The following WHRN variants were observed in gnomAD, a reference collection of about 807,000 sequenced individuals.
WHRN encodes whirlin.
WHRN carries 41 observed loss-of-function variants against 68.3 expected under a neutral mutation model. The ratio of observed to expected loss-of-function variants is 0.60; its 90% CI spans 0.47 to 0.78. WHRN has a LOEUF of 0.78. Ranked by LOEUF, WHRN falls within the 30% of genes least tolerant of loss-of-function variation. The probability of loss-of-function intolerance (pLI) is 0.00; values close to 1 mark genes in which losing one functional copy is unlikely to be tolerated. For synonymous variants in WHRN, 560 were observed against 561.3 expected (o/e 1.00, Z 0.03); for missense variants, 1,243 against 1,244.7 (o/e 1.00, Z 0.02).
Position 114,466,350 on chromosome 9 carries a change from T to C in WHRN, c.880A>G (p.Ile294Val). 6.2e-7 allele frequency: 1 copy of C among 1,614,092 alleles called. No homozygotes were observed. Among genetic ancestry groups the C allele is most frequent in the Non-Finnish European group, 8.5e-7 (1 of 1,180,024 alleles). The change falls in exon 3 of 12, where the codon ATC becomes GTC. Residue 294 changes from isoleucine (I) to valine (V), a missense_variant. Coordinates refer to ENST00000362057, the MANE Select transcript of WHRN (RefSeq NM_015404.4). ...LGDGRSLGLT[I>V]RGGAEYGLGI... ...AGGCCGTACTCAGCTCCCCCACGGATCGTGAGGCCCAGGGACCGGCCGTCC... is the reference window on the plus strand; with the variant it reads ...AGGCCGTACTCAGCTCCCCCACGGACCGTGAGGCCCAGGGACCGGCCGTCC...
At chr9:114,435,541 T>TG (rs1343493784) in intron 3 of WHRN, among the ~76,000 whole-genome samples, 3 of 152,178 alleles carry the variant, frequency 2.0e-5, no homozygotes, top group African/African-American at 4.8e-5. Flanking sequence ...AATCACACTC[T>TG]GGGAAATGGT....
intron 1 of WHRN, 65 bp from the exon 2 acceptor site, chr9:114,478,836 C>G: frequency 6.7e-7 from 1 of 1,490,078 alleles, no homozygotes. Flanking sequence ...GAACACCCTC[C>G]CCTGGCCCAG....
intron 1 of WHRN, among the ~76,000 whole-genome samples, chr9:114,482,620 C>A (rs1842177156): frequency 6.6e-6 from 1 of 152,094 alleles, no homozygotes; most frequent in Admixed American, 6.5e-5. Context: ...CACTCCCCTC[C>A]CCCTCAGCAT....
rs1211248095 is a variant in WHRN at position 114,489,461 on chromosome 9, CAT to C, written c.619-10692_619-10691del. On this transcript the variant is annotated intron_variant, in intron 1 of 11. Coordinates refer to ENST00000362057, the MANE Select transcript of WHRN (RefSeq NM_015404.4). ...GTTCCTATCAAAGGCACCACACACA[CAT>C]ACACACACACACACACGCACACACA... 4.7e-5 allele frequency among the ~76,000 whole-genome samples: 5 copies of C among 107,522 alleles called. 1 individual carries two copies. Among genetic ancestry groups the C allele is most frequent in the South Asian group, 6.4e-4 (2 of 3,104 alleles). 70.5% of individuals were successfully genotyped at this position (107,522 alleles called of 152,430 possible).
Position 114,426,188 on chromosome 9 carries a change from T to C in WHRN, c.1166+23A>G, listed in dbSNP as rs56050936. 3.1e-3 allele frequency: 5,034 copies of C among 1,611,706 alleles called. 26 individuals carry two copies. The highest frequency in any genetic ancestry group is 0.015 in the Admixed American group (926 of 60,020). ...AGAAATGGCCCTGGGGTCTGGAGAT[T>C]GGAGCGAGCAGAGTGGCCAGACCCT... On this transcript the variant is annotated intron_variant, in intron 4 of 11. Transcript: ENST00000362057.
intron 3 of WHRN, among the ~76,000 whole-genome samples, chr9:114,438,656 T>C (rs946254142): frequency 1.3e-5 from 2 of 152,004 alleles, no homozygotes; most frequent in African/African-American, 4.8e-5. Flanking sequence ...GTTTCACCTG[T>C]TAGCCAGGAT....
intron 2 of WHRN, among the ~76,000 whole-genome samples, chr9:114,468,356 T>C (rs904411480): frequency 6.6e-6 from 1 of 152,094 alleles, no homozygotes; most frequent in Non-Finnish European, 1.5e-5. Context: ...CATGGCCAAG[T>C]CAGACCTGGG....
Position 114,417,651 on chromosome 9 carries a change from T to C in WHRN, c.1626+5663A>G, listed in dbSNP as rs866402467. On this transcript the variant is annotated intron_variant, in intron 7 of 11. Transcript: ENST00000362057. ...TTTGGCCATGTTATGTTTTGGGTTGTTGTCCACATTTTAGGGTTATTACTC... is the reference window on the plus strand; with the variant it reads ...TTTGGCCATGTTATGTTTTGGGTTGCTGTCCACATTTTAGGGTTATTACTC... Among the ~76,000 whole-genome samples, 11 of 152,230 alleles carry C rather than the reference T, an allele frequency of 7.2e-5. No individual in the cohort carries two copies. In the South Asian group the frequency reaches 1.2e-3, roughly 17 times the overall value.
intron 3 of WHRN, among the ~76,000 whole-genome samples, chr9:114,464,462 A>C (rs1840494101): frequency 6.6e-6 from 1 of 152,046 alleles, no homozygotes; most frequent in South Asian, 2.1e-4. Context: ...CTGTGTCCTC[A>C]CATGGTGGAA....
intron 7 of WHRN, among the ~76,000 whole-genome samples, chr9:114,418,645 G>T (rs1836005267): frequency 6.6e-6 from 1 of 152,184 alleles, no homozygotes; most frequent in African/African-American, 2.4e-5. Flanking sequence ...CTTATTGGCC[G>T]CCTGGAATTC....
At chr9:114,435,427 A>G (rs1837769143) in intron 3 of WHRN, among the ~76,000 whole-genome samples, 1 of 152,210 alleles carries the variant, frequency 6.6e-6, no homozygotes. Flanking sequence ...GGCTGGGTAC[A>G]TGCAGCCCAG....
intron 3 of WHRN, among the ~76,000 whole-genome samples, chr9:114,435,244 C>A (rs763275851): frequency 2.0e-5 from 3 of 152,194 alleles, no homozygotes; most frequent in Non-Finnish European, 2.9e-5. Context: ...ACATGGGAAA[C>A]ACCTGACAAA....
At chr9:114,503,683 G>C (rs1315493901) in intron 1 of WHRN, 1 of 158,012 alleles carries the variant, frequency 6.3e-6, no homozygotes, top group African/African-American at 2.4e-5. Context: ...CAAGTGACTT[G>C]CTTCAGGATA....
chr9:114,487,848 C>T (rs538195639), intron 1 of WHRN, among the ~76,000 whole-genome samples: 2 of 152,306 alleles, frequency 1.3e-5, no homozygotes, highest in East Asian at 3.9e-4. Context: ...TGGGTGGAGG[C>T]CTCGCAATGT....
chr9:114,496,974 G>A (rs1337431719), intron 1 of WHRN, among the ~76,000 whole-genome samples: 1 of 152,216 alleles, frequency 6.6e-6, no homozygotes, highest in Non-Finnish European at 1.5e-5. Flanking sequence ...TGTTGGGGAT[G>A]GAGGAATCCT....
chr9:114,428,185 C>T (rs772438076), intron 3 of WHRN, among the ~76,000 whole-genome samples: 11 of 152,004 alleles, frequency 7.2e-5, no homozygotes, highest in Non-Finnish European at 1.3e-4. Flanking sequence ...AAAATTAGCC[C>T]GGCGAGGTGG....
chr9:114,499,931 T>C (rs1843783188), intron 1 of WHRN, among the ~76,000 whole-genome samples: 1 of 152,194 alleles, frequency 6.6e-6, no homozygotes. Flanking sequence ...ATCTCTTTCA[T>C]GTCCAGCTTC....
chr9:114,426,226 A>G lies in WHRN; in HGVS notation c.1151T>C (p.Met384Thr), dbSNP rs1334186281. ...WIASSRIRET[M>T]ANSAGFLGDL... is the part of the protein sequence containing the mutation. ...GTGGCCAGACCCTGCCGAGTTCGCC[A>G]TGGTCTCCCTGATCCGGGAACTGGC... Residue 384 changes from methionine (M) to threonine (T), a missense_variant, in exon 4 of 12, where the codon ATG (methionine) becomes ACG (threonine). Met to Thr is a moderately conservative substitution (Grantham distance 81). Transcript: ENST00000362057. The G allele has an allele frequency of 1.2e-6, 2 of 1,612,378 alleles. No homozygotes were observed. Among genetic ancestry groups the G allele is most frequent in the East Asian group, 2.2e-5 (1 of 44,866 alleles).
chr9:114,411,084 T>C (rs1195881476), intron 7 of WHRN, among the ~76,000 whole-genome samples: 1 of 152,198 alleles, frequency 6.6e-6, no homozygotes, highest in Non-Finnish European at 1.5e-5. Flanking sequence ...GGAAGGTGAC[T>C]GTTACGTGCA....
Sources: gnomAD v4.1 joint callset for allele counts (sites outside exome capture counted in the v4.1 genomes callset) on GRCh38, gnomAD v4.1.1 for gene constraint, MANE v1.5 for transcripts, NCBI Gene and HGNC (gene_info 2026-07-23, HGNC 2026-07-21) for gene names.